MAN2A1: variants seen among roughly 807,000 people sequenced by gnomAD.
The protein encoded by MAN2A1 is alpha-mannosidase 2.
Under a neutral mutation model 142.6 loss-of-function variants are expected in MAN2A1, and 76 were observed. The observed-to-expected ratio is 0.53, with a 90% CI of 0.44 to 0.65. The LOEUF (loss-of-function observed/expected upper bound fraction) is 0.65. Ranked by LOEUF, MAN2A1 falls within the 30% of genes least tolerant of loss-of-function variation. MAN2A1 has a pLI of 0.00. For missense variants in MAN2A1, 1,311 were observed against 1,365.1 expected (o/e 0.96, Z 0.62); for synonymous variants, 559 against 473.2 (o/e 1.18, Z -2.35).
chr5:109,706,456 A>C (rs1210170855), intron 1 of MAN2A1, among the ~76,000 whole-genome samples: 1 of 152,236 alleles, frequency 6.6e-6, no homozygotes, highest in African/African-American at 2.4e-5. Context: ...CAAGCAATGG[A>C]TATTAGTATC....
intron 5 of MAN2A1, among the ~76,000 whole-genome samples, chr5:109,763,413 G>A (rs1582872727): frequency 6.6e-6 from 1 of 152,086 alleles, no homozygotes; most frequent in East Asian, 1.9e-4. Flanking sequence ...GAACATATCT[G>A]AGGATATGAC....
intron 8 of MAN2A1, 93 bp downstream of exon 8, chr5:109,775,058 C>T (rs1753247118): frequency 2.6e-6 from 2 of 770,686 alleles, no homozygotes; most frequent in Non-Finnish European, 4.1e-6. Flanking sequence ...CTTTGTCCTA[C>T]ATCACAGTGC....
At chr5:109,770,635 C>A in intron 7 of MAN2A1, 94 bp downstream of exon 7, 2 of 1,071,536 alleles carry the variant, frequency 1.9e-6, no homozygotes, top group African/African-American at 1.6e-5. Flanking sequence ...GCTTTATTAG[C>A]CAACATTATC....
rs1582863768 is a variant in MAN2A1, at chr5:109,755,315, T to C, written c.708-14T>C. On this transcript the variant is annotated splice_polypyrimidine_tract_variant and intron_variant, in intron 4 of 21. Transcript: ENST00000261483. ...AACATTTATTAATGTAGACTCTTGT[T>C]ATTTTCTCTCTAGTTTAATAGAAAA... 1 of 1,600,376 alleles carries C rather than the reference T, an allele frequency of 6.2e-7. No individual in the cohort carries two copies.
chr5:109,694,658 G>GTTT (rs33993965), intron 1 of MAN2A1, among the ~76,000 whole-genome samples: 11 of 146,582 alleles, frequency 7.5e-5, no homozygotes, highest in South Asian at 2.1e-4. Context: ...TGCCTTTTGT[G>GTTT]TTTTTTTTTT....
intron 4 of MAN2A1, among the ~76,000 whole-genome samples, chr5:109,745,033 A>G (rs1348482065): frequency 6.6e-6 from 1 of 152,152 alleles, no homozygotes; most frequent in Non-Finnish European, 1.5e-5. Context: ...CCATTTTATG[A>G]ATTCTGAGAG....
chr5:109,828,166 T>C (rs928396157), intron 16 of MAN2A1, among the ~76,000 whole-genome samples: 23 of 151,994 alleles, frequency 1.5e-4, no homozygotes, highest in Middle Eastern at 6.8e-3. Context: ...TTTGCCCATG[T>C]CAGGTTTAAT....
At position 109,817,339 on chromosome 5, in the gene MAN2A1, C is replaced by T. The variant is rs374153865; in HGVS notation, c.2010C>T (p.Ser670=). ...RISLVSVYVS[S]PTVQVFSASG... is the part of the protein sequence containing the mutation. ...CGTTGGTCTCAGTCTATGTGAGTTC[C>T]CCGACAGTGCAAGTGTTCTCTGCTT... Residue 670 remains serine, a synonymous_variant, in exon 13 of 22, where the codon TCC becomes TCT. Transcript: ENST00000261483. The T allele has an allele frequency of 3.1e-6, 5 of 1,614,004 alleles. No homozygotes were observed. The highest frequency in any genetic ancestry group is 1.7e-5 in the Admixed American group (1 of 59,996).
chr5:109,770,586 G>A (rs1753119579), intron 7 of MAN2A1, 45 bp downstream of exon 7: 1 of 1,552,104 alleles, frequency 6.4e-7, no homozygotes, highest in South Asian at 1.2e-5. Flanking sequence ...GAATAAAGTA[G>A]CCACTTAGCT....
intron 12 of MAN2A1, among the ~76,000 whole-genome samples, chr5:109,816,926 C>T (rs1026123313): frequency 6.6e-6 from 1 of 152,140 alleles, no homozygotes; most frequent in Non-Finnish European, 1.5e-5. Context: ...TGAAAGTTCT[C>T]ACAGAATATT....
intron 18 of MAN2A1, 61 bp from the exon 19 acceptor site, chr5:109,847,596 A>C (rs1755373909): frequency 3.7e-6 from 5 of 1,365,228 alleles, no homozygotes; most frequent in Non-Finnish European, 4.8e-6. Flanking sequence ...AGTGATGCTC[A>C]ATGAATGTCA....
chr5:109,788,755 A>G (rs1164974265), intron 10 of MAN2A1, among the ~76,000 whole-genome samples, 179 bp from the exon 11 acceptor site: 1 of 151,780 alleles, frequency 6.6e-6, no homozygotes, highest in Non-Finnish European at 1.5e-5. Flanking sequence ...TGTCAGTTAT[A>G]TCTTCTGATG....
At chr5:109,766,430 CT>C (rs1331954446) in intron 5 of MAN2A1, among the ~76,000 whole-genome samples, 6 of 152,138 alleles carry the variant, frequency 3.9e-5, no homozygotes, top group Admixed American at 3.9e-4. Context: ...GACATATGCT[CT>C]TTTTGAGTTT....
At chr5:109,851,700 G>A (rs1041578845) in intron 19 of MAN2A1, among the ~76,000 whole-genome samples, 4 of 152,032 alleles carry the variant, frequency 2.6e-5, no homozygotes, top group African/African-American at 9.7e-5. Context: ...AGGCATTGAC[G>A]GCTTTAGGAT....
chr5:109,730,041 A>G (rs1029351388), intron 4 of MAN2A1, among the ~76,000 whole-genome samples: 1 of 152,040 alleles, frequency 6.6e-6, no homozygotes, highest in Non-Finnish European at 1.5e-5. Flanking sequence ...TGGAATTACT[A>G]GGTCAAAGTG....
chr5:109,827,665 C>A (rs959656742), intron 16 of MAN2A1, among the ~76,000 whole-genome samples: 1 of 152,304 alleles, frequency 6.6e-6, no homozygotes, highest in East Asian at 1.9e-4. Context: ...TTCTTAACAT[C>A]TTTTAAACTA....
chr5:109,820,499 G>T (rs999148214), intron 15 of MAN2A1, among the ~76,000 whole-genome samples, 157 bp downstream of exon 15: 11 of 152,138 alleles, frequency 7.2e-5, no homozygotes, highest in African/African-American at 2.7e-4. Flanking sequence ...TTGATACTTA[G>T]CAATTTGTAG....
chr5:109,760,985 T>C (rs1168398712), intron 5 of MAN2A1, among the ~76,000 whole-genome samples: 1 of 151,950 alleles, frequency 6.6e-6, no homozygotes, highest in Admixed American at 6.5e-5. Context: ...GCTATATGAA[T>C]ATTTTTACCA....
intron 3 of MAN2A1, 87 bp from the exon 4 acceptor site, chr5:109,729,255 A>G: frequency 1.3e-6 from 1 of 765,818 alleles, no homozygotes; most frequent in Non-Finnish European, 2.1e-6. Flanking sequence ...AATTCTAACG[A>G]TGTCCAAAGT....
Sources: gnomAD v4.1 joint callset for allele counts (sites outside exome capture counted in the v4.1 genomes callset) on GRCh38, gnomAD v4.1.1 for gene constraint, MANE v1.5 for transcripts, NCBI Gene and HGNC (gene_info 2026-07-23, HGNC 2026-07-21) for gene names.